The following SLC17A5 variants were observed in gnomAD, a reference collection of about 807,000 sequenced individuals.
SLC17A5 encodes solute carrier family 17 member 5.
In SLC17A5, 47 loss-of-function variants were observed where a neutral mutation model predicts 59.4. The observed-to-expected ratio is 0.79, with a 90% CI of 0.63 to 1.01. The LOEUF is 1.01. SLC17A5 is among the 50% of genes least tolerant of loss of function. The probability of loss-of-function intolerance (pLI) is 0.00; values close to 1 mark genes in which losing one functional copy is unlikely to be tolerated. For synonymous variants in SLC17A5, 202 were observed against 210.7 expected (o/e 0.96, Z 0.36); for missense variants, 522 against 595.5 (o/e 0.88, Z 1.28).
At chr6:73,618,788 G>A (rs1767996022) in intron 7 of SLC17A5, among the ~76,000 whole-genome samples, 1 of 152,118 alleles carries the variant, frequency 6.6e-6, no homozygotes, top group African/African-American at 2.4e-5. Flanking sequence ...GCAGTGGTGT[G>A]ATCTTGGCTC....
intron 9 of SLC17A5, among the ~76,000 whole-genome samples, chr6:73,607,775 AT>A (rs10716332): frequency 0.28 from 36,981 of 130,268 alleles, 4,955 homozygotes; most frequent in African/African-American, 0.33. Context: ...GTTCCTTATA[AT>A]TTTTTTTTTT....
At chr6:73,614,677 T>C (rs1285753347) in intron 8 of SLC17A5, among the ~76,000 whole-genome samples, 1 of 152,116 alleles carries the variant, frequency 6.6e-6, no homozygotes, top group Non-Finnish European at 1.5e-5. Flanking sequence ...TAATCAATCA[T>C]ACACATTTAA....
chr6:73,644,477 A>G lies in SLC17A5; in HGVS notation c.221T>C (p.Leu74Ser), dbSNP rs1474077825. 2 of 1,614,068 alleles carry G rather than the reference A, an allele frequency of 1.2e-6. No homozygotes were observed. Among genetic ancestry groups the G allele is most frequent in the African/African-American group, 2.7e-5 (2 of 75,040 alleles). The change falls in exon 2 of 11, where the codon TTA becomes TCA. Residue 74 changes from leucine to serine, a missense_variant. Around this residue, in one of 3 missense-constraint regions of SLC17A5, gnomAD observed 338 missense variants for 363.8 expected, o/e 0.93. Coordinates refer to ENST00000355773, the MANE Select transcript of SLC17A5 (RefSeq NM_012434.5). ...CGCCTTGGAAGTTCTATTATCTTCT[A>G]AAGTTGTATTTGAATCTACCATATC... ...LVDMVDSNTT[L>S]EDNRTSKACP...
rs961751779 is a variant in SLC17A5, at chr6:73,630,909, G to A, written c.819+4473C>T. 2.3e-4 allele frequency among the ~76,000 whole-genome samples: 34 copies of A among 149,364 alleles called. 1 individual carries two copies. Among genetic ancestry groups the A allele is most frequent in the Admixed American group, 2.1e-3 (31 of 15,116 alleles). On this transcript the variant is annotated intron_variant, in intron 6 of 10. Coordinates refer to ENST00000355773, the MANE Select transcript of SLC17A5 (RefSeq NM_012434.5). ...TAAAAATACAAAATTAGCTGGGTGT[G>A]GTGGTGCACACCTGTTATCCCGGCT...
intron 10 of SLC17A5, among the ~76,000 whole-genome samples, chr6:73,598,241 C>A (rs1766905116): frequency 6.6e-6 from 1 of 152,154 alleles, no homozygotes. Flanking sequence ...TTGTTTATAA[C>A]AACATTGAAC....
chr6:73,620,894 TTG>T (rs1284247693), intron 7 of SLC17A5, among the ~76,000 whole-genome samples: 2 of 152,002 alleles, frequency 1.3e-5, no homozygotes, highest in Non-Finnish European at 2.9e-5. Context: ...GTTAATTTTT[TTG>T]TGTGTTTTTA....
chr6:73,616,426 T>A (rs1767871405), intron 7 of SLC17A5, among the ~76,000 whole-genome samples: 1 of 152,182 alleles, frequency 6.6e-6, no homozygotes, highest in Non-Finnish European at 1.5e-5. Flanking sequence ...TTGCCTTTTA[T>A]GTCTCTTTAA....
At chr6:73,643,902 A>T (rs4706547) in intron 2 of SLC17A5, among the ~76,000 whole-genome samples, 8,487 of 152,318 alleles carry the variant, frequency 0.056, 421 homozygotes, top group Admixed American at 0.16. Flanking sequence ...ATTTATTAAT[A>T]CCACTATAAC....
At chr6:73,651,482 A>AAAAAAAAAAAC (rs1562003394) in intron 1 of SLC17A5, among the ~76,000 whole-genome samples, 1 of 150,794 alleles carries the variant, frequency 6.6e-6, no homozygotes, top group Non-Finnish European at 1.5e-5. Context: ...AAAAAAAAAA[A>AAAAAAAAAAAC]AATCAGGACA....
Position 73,594,712 on chromosome 6 carries a change from G to T in SLC17A5, c.*365C>A. ...ATGAGGAAAGTGAACAACAACAGGT[G>T]TTTATCAGTACCTGAGAATTATCAT... is the stretch of plus-strand genomic sequence containing the variant. On this transcript the variant is annotated 3_prime_UTR_variant, in exon 11 of 11. Transcript: ENST00000355773. 1 of 281,134 alleles carries T rather than the reference G, an allele frequency of 3.6e-6. No individual in the cohort carries two copies. Among genetic ancestry groups the T allele is most frequent in the Non-Finnish European group, 6.8e-6 (1 of 146,010 alleles). The allele number at this position is 281,134 out of a possible 1,614,324, so 17.4% of individuals were successfully genotyped here.
intron 2 of SLC17A5, among the ~76,000 whole-genome samples, chr6:73,642,195 A>G (rs1769317220): frequency 6.6e-6 from 1 of 152,236 alleles, no homozygotes; most frequent in Non-Finnish European, 1.5e-5. Context: ...AAGCTTTATA[A>G]TAACTATGAC....
At chr6:73,633,878 TA>T (rs879829978) in intron 6 of SLC17A5, among the ~76,000 whole-genome samples, 63 of 144,982 alleles carry the variant, frequency 4.3e-4, no homozygotes, top group East Asian at 8.0e-4. Context: ...AAACTCCGTC[TA>T]AAAAAAAAAA....
At chr6:73,599,002 A>AAC (rs574299065) in intron 10 of SLC17A5, among the ~76,000 whole-genome samples, 4 of 150,414 alleles carry the variant, frequency 2.7e-5, no homozygotes, top group East Asian at 2.0e-4. Context: ...AAAACCAAAA[A>AAC]ACACACACAC....
At chr6:73,621,617 CTT>C (rs1768157618) in intron 7 of SLC17A5, among the ~76,000 whole-genome samples, 185 bp downstream of exon 7, 1 of 152,160 alleles carries the variant, frequency 6.6e-6, no homozygotes, top group Non-Finnish European at 1.5e-5. Context: ...TTTATAAATG[CTT>C]TCTCCCATTC....
intron 7 of SLC17A5, among the ~76,000 whole-genome samples, chr6:73,617,108 G>A (rs1028942008): frequency 6.6e-6 from 1 of 151,538 alleles, no homozygotes; most frequent in Non-Finnish European, 1.5e-5. Context: ...TGGTCAACAT[G>A]GCAAAACCCT....
intron 6 of SLC17A5, among the ~76,000 whole-genome samples, chr6:73,628,496 G>A (rs1337933280): frequency 2.0e-5 from 3 of 152,072 alleles, no homozygotes; most frequent in African/African-American, 4.8e-5. Flanking sequence ...GCTTGAACCC[G>A]GGAAGCAGAG....
At chr6:73,609,729 T>C (rs4032322) in intron 9 of SLC17A5, among the ~76,000 whole-genome samples, 7,274 of 152,278 alleles carry the variant, frequency 0.048, 506 homozygotes, top group African/African-American at 0.15. Flanking sequence ...ACAGAGGTGA[T>C]GATAGTTAAA....
chr6:73,618,067 A>G (rs1444639523), intron 7 of SLC17A5, among the ~76,000 whole-genome samples: 1 of 151,690 alleles, frequency 6.6e-6, no homozygotes, highest in Non-Finnish European at 1.5e-5. Flanking sequence ...CTGTCTCTAC[A>G]AAAATAAAAA....
chr6:73,649,982 T>G (rs1293023101), intron 1 of SLC17A5, among the ~76,000 whole-genome samples: 1 of 151,354 alleles, frequency 6.6e-6, no homozygotes, highest in Non-Finnish European at 1.5e-5. Context: ...TGCTCAGGAG[T>G]AGGCACTAAG....
Sources: allele counts gnomAD v4.1 joint callset (sites outside exome capture counted in the v4.1 genomes callset), GRCh38; gene constraint gnomAD v4.1.1; regional missense constraint gnomAD v4.1.1; transcripts MANE v1.5; gene names NCBI Gene and HGNC (gene_info 2026-07-23, HGNC 2026-07-21).